Variants in FRMPD2 observed in about 807,000 individuals in gnomAD.
The protein encoded by FRMPD2 is FERM and PDZ domain containing 2.
In FRMPD2, 96 loss-of-function variants were observed where a neutral mutation model predicts 140.1. The ratio of observed to expected loss-of-function variants is 0.69; its 90% CI spans 0.58 to 0.81. The LOEUF is 0.81. FRMPD2 is among the 40% of genes least tolerant of loss of function. The pLI, the probability that FRMPD2 is intolerant of heterozygous loss-of-function variation, is 0.00. For synonymous variants in FRMPD2, 449 were observed against 547.6 expected (o/e 0.82, Z 2.52); for missense variants, 1,240 against 1,447.4 (o/e 0.86, Z 2.32).
Position 48,187,185 on chromosome 10 carries a change from C to G in FRMPD2, c.2266+7G>C. On this transcript the variant is annotated splice_region_variant and intron_variant, in intron 17 of 28. Coordinates refer to ENST00000374201, the MANE Select transcript of FRMPD2 (RefSeq NM_001018071.4). ...CACCCAAGACCTGGTCGTGGCCTGG[C>G]CCATACCTGCATGCATGCTCTGAAC... 6.2e-7 allele frequency: 1 copy of G among 1,609,672 alleles called. No individual in the cohort carries two copies. Among genetic ancestry groups the G allele is most frequent in the Non-Finnish European group, 8.5e-7 (1 of 1,176,550 alleles).
At chr10:48,259,018 T>A (rs932583386) in intron 1 of FRMPD2, among the ~76,000 whole-genome samples, 1 of 152,224 alleles carries the variant, frequency 6.6e-6, no homozygotes, top group Admixed American at 6.5e-5. Context: ...CTTGACATAA[T>A]CTGAAAAATT....
intron 14 of FRMPD2, among the ~76,000 whole-genome samples, chr10:48,203,489 G>C (rs1233431718): frequency 6.6e-6 from 1 of 152,146 alleles, no homozygotes; most frequent in Non-Finnish European, 1.5e-5. Flanking sequence ...ACATTAGGTT[G>C]GTGCAATTAC....
intron 10 of FRMPD2, among the ~76,000 whole-genome samples, chr10:48,227,826 G>T (rs2047747): frequency 0.21 from 31,905 of 151,948 alleles, 3,665 homozygotes; most frequent in African/African-American, 0.31. Flanking sequence ...TGTTTTTTGA[G>T]TTCAGGTGAT....
At position 48,185,482 on chromosome 10, in the gene FRMPD2, GA is replaced by G. The variant is rs1429935334; in HGVS notation, c.2359+70del. On this transcript the variant is annotated intron_variant, in intron 18 of 28. Coordinates refer to ENST00000374201, the MANE Select transcript of FRMPD2 (RefSeq NM_001018071.4). Reference sequence around the variant, plus strand: ...AAAGGGGAGTAGGCAAGTTGAAAGGGAAAACAGTACCCACCTCCCCACTTTG... The same window carrying G: ...AAAGGGGAGTAGGCAAGTTGAAAGGGAAACAGTACCCACCTCCCCACTTTG... 6.6e-6 allele frequency: 7 copies of G among 1,061,300 alleles called. No individual in the cohort carries two copies. In the African/African-American group the frequency reaches 9.3e-5, roughly 14 times the overall value. 65.7% of individuals were successfully genotyped at this position (1,061,300 alleles called of 1,614,324 possible).
At chr10:48,202,628 G>A (rs939412993) in intron 14 of FRMPD2, among the ~76,000 whole-genome samples, 6 of 152,084 alleles carry the variant, frequency 3.9e-5, no homozygotes, top group African/African-American at 9.7e-5. Context: ...ATGCTGCTCC[G>A]CCAGTCGTAA....
chr10:48,238,042 G>A lies in FRMPD2; in HGVS notation c.870C>T (p.Ser290=). ...TCTGAGAAGGAGTTGTTGGCCATGAGCTGTCTGCTGCCGAGTGCACAGATC... is the reference window on the plus strand; with the variant it reads ...TCTGAGAAGGAGTTGTTGGCCATGAACTGTCTGCTGCCGAGTGCACAGATC... ...SSGSVHSAAD[S]SWPTTPSQRG... Residue 290 remains serine (S), a synonymous_variant, in exon 8 of 29, where the codon AGC becomes AGT. Transcript: ENST00000374201. 6 of 1,614,084 alleles carry A rather than the reference G, an allele frequency of 3.7e-6. No homozygotes were observed. Among genetic ancestry groups the A allele is most frequent in the Non-Finnish European group, 5.1e-6 (6 of 1,180,042 alleles).
chr10:48,168,368 C>T (rs2132399099), intron 27 of FRMPD2, among the ~76,000 whole-genome samples: 1 of 95,662 alleles, frequency 1.0e-5, no homozygotes, highest in East Asian at 2.7e-4. Flanking sequence ...AAAAGTTTCA[C>T]AGCCAAAGTC....
intron 12 of FRMPD2, among the ~76,000 whole-genome samples, chr10:48,219,186 T>A (rs942174260): frequency 6.6e-6 from 1 of 152,120 alleles, no homozygotes; most frequent in African/African-American, 2.4e-5. Context: ...CTTTTGAAGA[T>A]TTCTGGGGCA....
At chr10:48,215,301 T>G (rs1002695009) in intron 12 of FRMPD2, among the ~76,000 whole-genome samples, 2 of 152,156 alleles carry the variant, frequency 1.3e-5, no homozygotes, top group Non-Finnish European at 2.9e-5. Flanking sequence ...CAGGCCAGAC[T>G]TCTCCTCTTG....
At chr10:48,251,778 C>A in intron 1 of FRMPD2, 87 bp from the exon 2 acceptor site, 1 of 1,531,892 alleles carries the variant, frequency 6.5e-7, no homozygotes, top group Non-Finnish European at 9.0e-7. Context: ...TGCAGCCAGG[C>A]ATGGTCTGGC....
chr10:48,159,851 G>A (rs1169887199), intron 28 of FRMPD2, among the ~76,000 whole-genome samples: 1 of 151,674 alleles, frequency 6.6e-6, no homozygotes, highest in Non-Finnish European at 1.5e-5. Context: ...ACCGATAAGT[G>A]TAAGCCTTGA....
intron 5 of FRMPD2, 116 bp from the exon 6 acceptor site, chr10:48,240,608 T>C (rs1408315587): frequency 1.4e-6 from 2 of 1,410,040 alleles, no homozygotes; most frequent in African/African-American, 2.8e-5. Flanking sequence ...CCCTATACGG[T>C]GACCTAAAGA....
In FRMPD2 at chr10:48,175,714, T is replaced by C. The variant is rs563978843; in HGVS notation, c.2989+132A>G. 2.6e-3 allele frequency: 1,768 copies of C among 678,260 alleles called. 12 individuals carry two copies. The highest frequency in any genetic ancestry group is 7.3e-3 in the South Asian group (433 of 59,694). 42.0% of individuals were successfully genotyped at this position (678,260 alleles called of 1,614,324 possible). A position where few individuals can be genotyped will look rare whatever the true frequency, so the allele number is the denominator to read the frequency against. On this transcript the variant is annotated intron_variant, in intron 23 of 28. Transcript: ENST00000374201. The stretch of plus-strand genomic sequence containing the variant: ...CTTTCCAGGTGAGAAAAGTATGACC[T>C]GGGGAGGCAATCATTTGCATGAGTT...
At chr10:48,232,650 A>G (rs937229892) in intron 9 of FRMPD2, among the ~76,000 whole-genome samples, 1 of 152,094 alleles carries the variant, frequency 6.6e-6, no homozygotes, top group Non-Finnish European at 1.5e-5. Flanking sequence ...GGCCCTCATC[A>G]ATGAATCATA....
chr10:48,187,333 G>A (rs530514845), intron 16 of FRMPD2, 41 bp from the exon 17 acceptor site: 50 of 1,570,510 alleles, frequency 3.2e-5, no homozygotes, highest in African/African-American at 5.4e-5. Context: ...GGTGGCCCAC[G>A]GGGAAGGACA....
At chr10:48,212,323 T>C (rs1207876019) in intron 12 of FRMPD2, among the ~76,000 whole-genome samples, 1 of 152,154 alleles carries the variant, frequency 6.6e-6, no homozygotes, top group Non-Finnish European at 1.5e-5. Context: ...AGGAGCTGTT[T>C]TTGAGCCCCT....
At chr10:48,238,554 A>G (rs1840023824) in intron 7 of FRMPD2, among the ~76,000 whole-genome samples, 1 of 152,238 alleles carries the variant, frequency 6.6e-6, no homozygotes, top group Non-Finnish European at 1.5e-5. Context: ...GGGAAAATAA[A>G]GTTTTAAATG....
At chr10:48,184,948 G>T in intron 18 of FRMPD2, 67 bp from the exon 19 acceptor site, 1 of 1,213,004 alleles carries the variant, frequency 8.2e-7, no homozygotes, top group Non-Finnish European at 1.2e-6. Context: ...GAGAGGTTAG[G>T]TTATTTCCCT....
At chr10:48,244,072 C>A (rs536312512) in intron 4 of FRMPD2, among the ~76,000 whole-genome samples, 1 of 152,216 alleles carries the variant, frequency 6.6e-6, no homozygotes, top group African/African-American at 2.4e-5. Context: ...CCCCTCCCGG[C>A]CCCCGGGGTT....
Sources: allele counts gnomAD v4.1 joint callset (sites outside exome capture counted in the v4.1 genomes callset), GRCh38; gene constraint gnomAD v4.1.1; transcripts MANE v1.5; gene names NCBI Gene and HGNC (gene_info 2026-07-23, HGNC 2026-07-21).